Variants in IMMP2L observed in about 807,000 individuals in gnomAD.
IMMP2L encodes the protein mitochondrial inner membrane protease subunit 2.
IMMP2L carries 18 observed loss-of-function variants against 19.3 expected under a neutral mutation model. That is an observed-to-expected ratio of 0.93 (90% CI 0.64 to 1.38). The LOEUF is 1.38. Among genes scored for constraint, IMMP2L ranks in the 40% most tolerant of loss-of-function variants. IMMP2L has a pLI of 0.00. For missense variants in IMMP2L, 233 were observed against 218.2 expected (o/e 1.07, Z -0.43); for synonymous variants, 76 against 73.0 (o/e 1.04, Z -0.21).
intron 1 of IMMP2L, among the ~76,000 whole-genome samples, chr7:111,534,267 T>G (rs918817529): frequency 6.6e-6 from 1 of 152,098 alleles, no homozygotes; most frequent in African/African-American, 2.4e-5. Flanking sequence ...CAACCAAATG[T>G]TCACAAATAT....
In IMMP2L at chr7:111,162,375, C is replaced by G. The variant is rs543777794; in HGVS notation, c.240-198810G>C. ...AAGGAGCAATGACCTCAGGTAAACA[C>G]GCGCTCTTAGAGTCATATGGGATAA... On this transcript the variant is annotated intron_variant, in intron 3 of 5. Transcript: ENST00000405709. 7.2e-5 allele frequency among the ~76,000 whole-genome samples: 11 copies of G among 152,042 alleles called. No individual in the cohort carries two copies. The South Asian group carries it at 2.3e-3, about 32-fold the overall frequency.
chr7:110,720,323 A>C (rs1398874880), intron 5 of IMMP2L, among the ~76,000 whole-genome samples: 1 of 152,212 alleles, frequency 6.6e-6, no homozygotes, highest in East Asian at 1.9e-4. Context: ...CCCCTGGTTG[A>C]GCCTGGTAAT....
Position 110,663,162 on chromosome 7 carries a change from A to G in IMMP2L, c.*440T>C, listed in dbSNP as rs558840751. 1 of 184,702 alleles carries G rather than the reference A, an allele frequency of 5.4e-6. No homozygotes were observed. The highest frequency in any genetic ancestry group is 1.7e-4 in the East Asian group (1 of 5,738). The allele number at this position is 184,702 out of a possible 1,614,324, so 11.4% of individuals were successfully genotyped here. A position where few individuals can be genotyped will look rare whatever the true frequency, so the allele number is the denominator to read the frequency against. ...TGTAATTCCCATCATTATGTGTATA[A>G]TATGTGTTCCTTCTTGTTCTACCTT... is the stretch of plus-strand genomic sequence containing the variant. On this transcript the variant is annotated 3_prime_UTR_variant, in exon 6 of 6. Transcript: ENST00000405709.
chr7:110,736,331 G>C (rs760706612), intron 5 of IMMP2L, among the ~76,000 whole-genome samples: 3 of 152,212 alleles, frequency 2.0e-5, no homozygotes, highest in Admixed American at 6.5e-5. Context: ...CCCCATTGGG[G>C]CAATGCTCAG....
At chr7:110,867,188 G>T (rs2129543435) in intron 5 of IMMP2L, among the ~76,000 whole-genome samples, 1 of 152,020 alleles carries the variant, frequency 6.6e-6, no homozygotes, top group East Asian at 1.9e-4. Flanking sequence ...CAGAGTGCCT[G>T]CATGGTTAGG....
At chr7:111,144,522 T>A (rs1037663268) in intron 3 of IMMP2L, among the ~76,000 whole-genome samples, 5 of 152,276 alleles carry the variant, frequency 3.3e-5, no homozygotes, top group Admixed American at 2.6e-4. Flanking sequence ...ATCTCAGAAG[T>A]GACAGGATCA....
chr7:110,893,766 C>A (rs1020089033), intron 4 of IMMP2L, among the ~76,000 whole-genome samples: 2 of 152,130 alleles, frequency 1.3e-5, no homozygotes, highest in African/African-American at 2.4e-5. Flanking sequence ...ATTTTCATTT[C>A]TCTTCTATAA....
chr7:110,756,312 A>C (rs557800410), intron 5 of IMMP2L, among the ~76,000 whole-genome samples: 7 of 152,228 alleles, frequency 4.6e-5, no homozygotes, highest in Admixed American at 3.3e-4. Context: ...TTGTCTTTAG[A>C]GACAAAGCAG....
chr7:110,872,818 G>A (rs1449376746), intron 5 of IMMP2L, among the ~76,000 whole-genome samples: 2 of 152,290 alleles, frequency 1.3e-5, no homozygotes, highest in Non-Finnish European at 2.9e-5. Context: ...CCTGTCCCAT[G>A]TCTGAAACTG....
chr7:110,927,385 T>A (rs259011), intron 4 of IMMP2L, among the ~76,000 whole-genome samples: 84,321 of 151,946 alleles, frequency 0.55, 25,422 homozygotes, highest in East Asian at 0.81. Context: ...AGCCGGTGAA[T>A]ATGTTACATT....
rs77695585 is a variant in IMMP2L at position 110,671,176 on chromosome 7, G to A, written c.409-7455C>T. On this transcript the variant is annotated intron_variant, in intron 5 of 5. Coordinates refer to ENST00000405709, the MANE Select transcript of IMMP2L (RefSeq NM_032549.4). Reference sequence around the variant, plus strand: ...ACTTGCCCCTATGGTAGAGTGGGAGGGCACTGAGCCCACAGATTGGAAATT... The same window carrying A: ...ACTTGCCCCTATGGTAGAGTGGGAGAGCACTGAGCCCACAGATTGGAAATT... Among the ~76,000 whole-genome samples the A allele has an allele frequency of 7.9e-4, 121 of 152,254 alleles. 1 individual carries two copies. In the East Asian group the frequency reaches 0.022, roughly 27 times the overall value.
At chr7:111,538,937 T>C (rs1045930210) in intron 1 of IMMP2L, among the ~76,000 whole-genome samples, 1 of 149,680 alleles carries the variant, frequency 6.7e-6, no homozygotes, top group African/African-American at 2.5e-5. Context: ...CTGGCCAACA[T>C]GGTGAAACCC....
intron 3 of IMMP2L, among the ~76,000 whole-genome samples, chr7:111,337,407 T>C (rs1441602579): frequency 1.3e-5 from 2 of 152,072 alleles, no homozygotes; most frequent in South Asian, 2.1e-4. Flanking sequence ...AGCACATATT[T>C]TGCAGTATCT....
intron 5 of IMMP2L, among the ~76,000 whole-genome samples, chr7:110,801,540 G>C (rs545443432): frequency 2.6e-5 from 4 of 152,138 alleles, no homozygotes; most frequent in Non-Finnish European, 5.9e-5. Flanking sequence ...CTAAAAGATG[G>C]GTAAGAGGAA....
intron 3 of IMMP2L, among the ~76,000 whole-genome samples, chr7:111,177,187 T>G (rs1807168858): frequency 6.6e-6 from 1 of 152,090 alleles, no homozygotes; most frequent in South Asian, 2.1e-4. Context: ...TCATTTTTGT[T>G]TTTATTTTTG....
chr7:111,521,938 C>T (rs1227828040), intron 1 of IMMP2L, among the ~76,000 whole-genome samples: 1 of 152,048 alleles, frequency 6.6e-6, no homozygotes, highest in Non-Finnish European at 1.5e-5. Flanking sequence ...TTCTTGGTTG[C>T]ACCCTGAAAA....
chr7:111,324,799 A>G (rs1027723780), intron 3 of IMMP2L, among the ~76,000 whole-genome samples: 3 of 152,044 alleles, frequency 2.0e-5, no homozygotes, highest in Admixed American at 6.6e-5. Context: ...ATAAAAGGTA[A>G]ATAAACTAAA....
chr7:111,417,196 G>A (rs749477192), intron 3 of IMMP2L, among the ~76,000 whole-genome samples: 2 of 151,640 alleles, frequency 1.3e-5, no homozygotes, highest in Non-Finnish European at 2.9e-5. Context: ...AAATGTCCCT[G>A]CAGGTACCCT....
chr7:111,510,364 A>G (rs1210280585), intron 2 of IMMP2L, among the ~76,000 whole-genome samples: 1 of 152,124 alleles, frequency 6.6e-6, no homozygotes, highest in Non-Finnish European at 1.5e-5. Context: ...CCTCTGCTGT[A>G]TTGTATTATA....
Sources: gnomAD v4.1 joint callset for allele counts (sites outside exome capture counted in the v4.1 genomes callset) on GRCh38, gnomAD v4.1.1 for gene constraint, MANE v1.5 for transcripts, NCBI Gene and HGNC (gene_info 2026-07-23, HGNC 2026-07-21) for gene names.